The following TNXB variants were observed in gnomAD, a reference collection of about 807,000 sequenced individuals.
TNXB encodes the protein tenascin-X.
In TNXB, 183 loss-of-function variants were observed where a neutral mutation model predicts 340.5. That is an observed-to-expected ratio of 0.54 (90% confidence interval 0.48 to 0.61). The LOEUF is 0.61. TNXB is among the 20% of genes least tolerant of loss of function. The pLI is 0.00. For missense variants in TNXB, 4,613 were observed against 5,446.4 expected (o/e 0.85, Z 4.82); for synonymous variants, 2,121 against 2,314.5 (o/e 0.92, Z 2.40).
chr6:32,106,925 C>A (rs955807838), intron 1 of TNXB, among the ~76,000 whole-genome samples: 3 of 152,270 alleles, frequency 2.0e-5, no homozygotes, highest in Non-Finnish European at 4.4e-5. Context: ...CATACCTGCA[C>A]AGACACACAA....
At chr6:32,092,098 C>T (rs562531692) in intron 4 of TNXB, among the ~76,000 whole-genome samples, 1 of 152,320 alleles carries the variant, frequency 6.6e-6, no homozygotes, top group Admixed American at 6.5e-5. Flanking sequence ...AAAATAGCAA[C>T]ATTCCTTCAC....
At position 32,097,079 on chromosome 6, in the gene TNXB, G is replaced by A. The variant is rs1286960469; in HGVS notation, c.774C>T (p.Arg258=). ...CACACACGCAGCGCCCACCCTCACA[G>A]CGTCCCCTCTGGCTGCAACCTCGAG... ...SCPRGCSQRG[R]CEGGRCVCDP... is the part of the protein sequence containing the mutation. Residue 258 remains arginine (R), a synonymous_variant, in exon 3 of 44, where the codon CGC becomes CGT. Transcript: ENST00000644971. The surrounding 1 kb of genome is among the most constrained non-coding windows in gnomAD (Gnocchi z 5.9). 1 of 1,613,554 alleles carries A rather than the reference G, an allele frequency of 6.2e-7. No individual in the cohort carries two copies. The highest frequency in any genetic ancestry group is 8.5e-7 in the Non-Finnish European group (1 of 1,179,748).
At chr6:32,104,895 C>T (rs1205582237) in intron 1 of TNXB, among the ~76,000 whole-genome samples, 3 of 152,180 alleles carry the variant, frequency 2.0e-5, no homozygotes, top group Non-Finnish European at 2.9e-5. Flanking sequence ...CCCTAGCCTC[C>T]CAATGTGCTG....
rs751583004 is a variant in TNXB, at chr6:32,081,715, T to C, written c.3737-42A>G. 33 of 1,451,768 alleles carry C rather than the reference T, an allele frequency of 2.3e-5. No individual in the cohort carries two copies. Among genetic ancestry groups the C allele is most frequent in the Non-Finnish European group, 3.0e-5 (33 of 1,085,912 alleles). 89.9% of individuals were successfully genotyped at this position (1,451,768 alleles called of 1,614,324 possible). On this transcript the variant is annotated intron_variant, in intron 9 of 43. Coordinates refer to ENST00000644971, the MANE Select transcript of TNXB (RefSeq NM_001365276.2). The surrounding 1 kb of genome is among the most constrained non-coding windows in gnomAD (Gnocchi z 5.1). Reference sequence around the variant, plus strand: ...CCAGCCAGGTGCTGAACTGGCAGCCTGGGACTGGGGCTTGGGGTTTCGACG... The same window carrying C: ...CCAGCCAGGTGCTGAACTGGCAGCCCGGGACTGGGGCTTGGGGTTTCGACG...
In TNXB at chr6:32,052,181, G is replaced by A. The variant is rs981539422; in HGVS notation, c.9115+489C>T. Among the ~76,000 whole-genome samples the A allele has an allele frequency of 1.6e-4, 24 of 152,214 alleles. No individual in the cohort carries two copies. The highest frequency in any genetic ancestry group is 5.1e-4 in the African/African-American group (21 of 41,442). ...AGAAATGGATGGTCGGCTGGGCGCC[G>A]TGGCTCACGCCTATGATCCCAGCAC... On this transcript the variant is annotated intron_variant, in intron 26 of 43. Transcript: ENST00000644971. The surrounding 1 kb of genome is among the most constrained non-coding windows in gnomAD (Gnocchi z 4.7).
Position 32,046,581 on chromosome 6 carries a change from G to C in TNXB, c.10325-125C>G. 1 of 823,238 alleles carries C rather than the reference G, an allele frequency of 1.2e-6. No individual in the cohort carries two copies. The highest frequency in any genetic ancestry group is 2.3e-5 in the South Asian group (1 of 42,588). The allele number at this position is 823,238 out of a possible 1,614,324, so 51.0% of individuals were successfully genotyped here. On this transcript the variant is annotated intron_variant, in intron 30 of 43. Transcript: ENST00000644971. This position sits in a 1 kb window ranked among gnomAD's most constrained non-coding sequence, Gnocchi z 6.9. ...AGTGTAGCCCCAGGGACAGCTCCTT[G>C]AGGAGACACACAGGCCTGCTCCCGC...
rs775659989 is a variant in TNXB at position 32,067,802 on chromosome 6, G to C, written c.6403C>G (p.Arg2135Gly). The C allele has an allele frequency of 4.3e-6, 7 of 1,613,240 alleles. No homozygotes were observed. Among genetic ancestry groups the C allele is most frequent in the Non-Finnish European group, 5.9e-6 (7 of 1,179,882 alleles). ...CCCCCAACACGCACCACCTGGGGCCGCCCGTCCCTGTCCTTGTACTGCACG... is the reference window on the plus strand; with the variant it reads ...CCCCCAACACGCACCACCTGGGGCCCCCCGTCCCTGTCCTTGTACTGCACG... The part of the protein sequence containing the change: ...FTVQYKDRDG[R>G]PQVVRVGGEE... Residue 2135 changes from arginine (R) to glycine (G), a missense_variant, in exon 18 of 44, where the codon CGG (arginine) becomes GGG (glycine). Coordinates refer to ENST00000644971, the MANE Select transcript of TNXB (RefSeq NM_001365276.2). This position sits in a 1 kb window ranked among gnomAD's most constrained non-coding sequence, Gnocchi z 4.2.
Position 32,089,263 on chromosome 6 carries a change from C to T in TNXB, c.2475G>A (p.Gly825=), listed in dbSNP as rs1205979285. The T allele has an allele frequency of 1.2e-6, 2 of 1,606,632 alleles. No individual in the cohort carries two copies. The highest frequency in any genetic ancestry group is 3.3e-5 in the Admixed American group (2 of 59,908). Residue 825 remains glycine (G), a synonymous_variant, in exon 5 of 44, where the codon GGG becomes GGA. Transcript: ENST00000644971. This position sits in a 1 kb window ranked among gnomAD's most constrained non-coding sequence, Gnocchi z 6.2. ...TGGAGGCAGGAAGGCCCCAGCTGGT[C>T]CCTCGAAGGGCTCGGACAGTGACCT... is the stretch of plus-strand genomic sequence containing the variant. ...EYQVTVRALR[G]TSWGLPASKT...
Position 32,072,340 on chromosome 6 carries a change from G to A in TNXB, c.4682-42C>T. 6.5e-7 allele frequency: 1 copy of A among 1,536,188 alleles called. No individual in the cohort carries two copies. The highest frequency in any genetic ancestry group is 1.7e-4 in the Middle Eastern group (1 of 5,720). On this transcript the variant is annotated intron_variant, in intron 12 of 43. Coordinates refer to ENST00000644971, the MANE Select transcript of TNXB (RefSeq NM_001365276.2). The surrounding 1 kb of genome is among the most constrained non-coding windows in gnomAD (Gnocchi z 4.4). ...CAAAGAACATGGTTGAGATCTCTGA[G>A]GGGAGAACCCCTGGGCTTTGAGGGC...
rs1778937336 is a variant in TNXB, at chr6:32,074,010, G to A, written c.4376-58C>T. 1 of 1,373,704 alleles carries A rather than the reference G, an allele frequency of 7.3e-7. No homozygotes were observed. The highest frequency in any genetic ancestry group is 1.5e-5 in the African/African-American group (1 of 68,164). The allele number at this position is 1,373,704 out of a possible 1,614,324, so 85.1% of individuals were successfully genotyped here. On this transcript the variant is annotated intron_variant, in intron 11 of 43. Coordinates refer to ENST00000644971, the MANE Select transcript of TNXB (RefSeq NM_001365276.2). The surrounding 1 kb of genome is among the most constrained non-coding windows in gnomAD (Gnocchi z 5.5). ...AGAATCCCCCTTTTCTTATAGTAAT[G>A]ATGTCTAGTTATTTATTTTTTATTT...
chr6:32,106,323 A>AG (rs928785766), intron 1 of TNXB, among the ~76,000 whole-genome samples: 2 of 151,702 alleles, frequency 1.3e-5, no homozygotes, highest in Admixed American at 6.6e-5. Context: ...CCTGAGTGTG[A>AG]GGGGGCCAGT....
rs1779040343 is a variant in TNXB, at chr6:32,075,599, C to T, written c.4376-1647G>A. Among the ~76,000 whole-genome samples the T allele has an allele frequency of 6.6e-6, 1 of 152,218 alleles. No homozygotes were observed. The highest frequency in any genetic ancestry group is 1.5e-5 in the Non-Finnish European group (1 of 68,034). On this transcript the variant is annotated intron_variant, in intron 11 of 43. Coordinates refer to ENST00000644971, the MANE Select transcript of TNXB (RefSeq NM_001365276.2). This position sits in a 1 kb window ranked among gnomAD's most constrained non-coding sequence, Gnocchi z 4.6. ...CTCATCACTGTCACATCCGGTGCCA[C>T]TGACATATTTGTGCAATTTGTTGCC...
In TNXB at chr6:32,081,755, T is replaced by TG; in HGVS notation, c.3737-83dup. 2.3e-6 allele frequency: 1 copy of TG among 443,116 alleles called. No individual in the cohort carries two copies. The allele number at this position is 443,116 out of a possible 1,614,324, so 27.4% of individuals were successfully genotyped here. The stretch of plus-strand genomic sequence containing the variant: ...GGGTTTCGACGGGATGTCACACCTA[T>TG]GGGGGGTGGGGGGTCACTAGTCCAT... On this transcript the variant is annotated intron_variant, in intron 9 of 43. Transcript: ENST00000644971. This position sits in a 1 kb window ranked among gnomAD's most constrained non-coding sequence, Gnocchi z 5.1.
rs1779661773 is a variant in TNXB, at chr6:32,084,582, G to A, written c.3276C>T (p.Phe1092=). The change falls in exon 8 of 44, where the codon TTC becomes TTT. Residue 1092 remains phenylalanine, a synonymous_variant. Transcript: ENST00000644971. This position sits in a 1 kb window ranked among gnomAD's most constrained non-coding sequence, Gnocchi z 5.5. ...WTVPEGEFDS[F]VIQYKDRDGQ... is the part of the protein sequence containing the mutation. Reference sequence around the variant, plus strand: ...CGTCCCTGTCTTTGTACTGGATCACGAAGGAGTCAAACTCGCCCTCGGGGA... The same window carrying A: ...CGTCCCTGTCTTTGTACTGGATCACAAAGGAGTCAAACTCGCCCTCGGGGA... 13 of 1,608,474 alleles carry A rather than the reference G, an allele frequency of 8.1e-6. No homozygotes were observed. The highest frequency in any genetic ancestry group is 1.7e-4 in the Middle Eastern group (1 of 6,054).
At position 32,083,780 on chromosome 6, in the gene TNXB, C is replaced by G. The variant is rs1779612289; in HGVS notation, c.3445+633G>C. Among the ~76,000 whole-genome samples the G allele has an allele frequency of 6.6e-6, 1 of 152,170 alleles. No homozygotes were observed. The highest frequency in any genetic ancestry group is 2.4e-5 in the African/African-American group (1 of 41,432). ...GCTCAAGCGATCCTCCCACCTCAAGCCTCTCAAGTAGCTGGGACTACAGGC... is the reference window on the plus strand; with the variant it reads ...GCTCAAGCGATCCTCCCACCTCAAGGCTCTCAAGTAGCTGGGACTACAGGC... On this transcript the variant is annotated intron_variant, in intron 8 of 43. Coordinates refer to ENST00000644971, the MANE Select transcript of TNXB (RefSeq NM_001365276.2). This position sits in a 1 kb window ranked among gnomAD's most constrained non-coding sequence, Gnocchi z 4.6.
In TNXB at chr6:32,079,499, G is replaced by A. The variant is rs2127250336; in HGVS notation, c.4043-134C>T. ...TTGTATTTGCCATTCGGTCACTCAC[G>A]GATGGAGAAGGCTGAGACAGCCCTT... On this transcript the variant is annotated intron_variant, in intron 10 of 43. Coordinates refer to ENST00000644971, the MANE Select transcript of TNXB (RefSeq NM_001365276.2). The surrounding 1 kb of genome is among the most constrained non-coding windows in gnomAD (Gnocchi z 7.1). 3 of 760,606 alleles carry A rather than the reference G, an allele frequency of 3.9e-6. No homozygotes were observed. Among genetic ancestry groups the A allele is most frequent in the Non-Finnish European group, 6.2e-6 (3 of 482,346 alleles). The allele number at this position is 760,606 out of a possible 1,614,324, so 47.1% of individuals were successfully genotyped here.
rs376314262 is a variant in TNXB, at chr6:32,069,099, C to A, written c.5625G>T (p.Pro1875=). The A allele has an allele frequency of 4.3e-5, 70 of 1,611,302 alleles. No homozygotes were observed. Among genetic ancestry groups the A allele is most frequent in the Non-Finnish European group, 5.8e-5 (68 of 1,179,464 alleles). The change falls in exon 16 of 44, where the codon CCG becomes CCT. Residue 1875 remains proline, a synonymous_variant. Transcript: ENST00000644971. The surrounding 1 kb of genome is among the most constrained non-coding windows in gnomAD (Gnocchi z 6.2). ...REETETETTA[P]TPPAPEPHLG... ...GGTGGGGCTCAGGCGCTGGAGGGGT[C>A]GGGGCCGTGGTCTCAGTTTCCGTTT...
At chr6:32,104,282 T>A (rs1780869428) in intron 1 of TNXB, among the ~76,000 whole-genome samples, 1 of 152,192 alleles carries the variant, frequency 6.6e-6, no homozygotes, top group Non-Finnish European at 1.5e-5. Flanking sequence ...CACCAATTTG[T>A]AAAACACCCC....
rs151142594 is a variant in TNXB at position 32,062,189 on chromosome 6, C to A, written c.7136G>T (p.Arg2379Leu). 1 of 1,611,998 alleles carries A rather than the reference C, an allele frequency of 6.2e-7. No homozygotes were observed. The highest frequency in any genetic ancestry group is 1.7e-5 in the Admixed American group (1 of 59,988). The change falls in exon 20 of 44, where the codon CGT becomes CTT. Residue 2379 changes from arginine to leucine, a missense_variant. Transcript: ENST00000644971. The surrounding 1 kb of genome is among the most constrained non-coding windows in gnomAD (Gnocchi z 4.3). ...MNLYGFHGGQ[R>L]VGPVSAIGVT... is the part of the protein sequence containing the mutation. ...CCCGATGGCAGACACGGGGCCCACA[C>A]GCTGGCCACCGTGGAAGCCGTACAG... is the stretch of plus-strand genomic sequence containing the variant.
Sources: gnomAD v4.1 joint callset for allele counts (sites outside exome capture counted in the v4.1 genomes callset) on GRCh38, gnomAD v4.1.1 for gene constraint, Gnocchi (gnomAD v3.1) non-coding constraint, MANE v1.5 for transcripts, NCBI Gene and HGNC (gene_info 2026-07-23, HGNC 2026-07-21) for gene names.